Variants in STXBP4 observed in about 807,000 individuals in gnomAD.
STXBP4 encodes the protein syntaxin binding protein 4.
Under a neutral mutation model 76.1 loss-of-function variants are expected in STXBP4, and 55 were observed. The observed-to-expected ratio is 0.72, with a 90% CI of 0.58 to 0.91. STXBP4 has a LOEUF of 0.91. Among genes scored for constraint, STXBP4 ranks in the 40% least tolerant of loss-of-function variants. STXBP4 has a pLI of 0.00. For synonymous variants in STXBP4, 201 were observed against 220.2 expected, an observed-to-expected ratio of 0.91 and a Z score of 0.77; for missense variants, 618 against 636.9, an observed-to-expected ratio of 0.97 and a Z score of 0.32.
At chr17:55,190,735 C>T in the STXBP4 span, among the ~76,000 whole-genome samples, 35 of 152,130 alleles carry the variant, frequency 2.3e-4, 1 homozygote, top group Admixed American at 1.9e-3. Flanking sequence ...ACTCCCTGAG[C>T]TTTTACACTG....
chr17:54,980,393 G>T (rs1294594740), intron 1 of STXBP4, among the ~76,000 whole-genome samples: 10 of 152,296 alleles, frequency 6.6e-5, no homozygotes, highest in Middle Eastern at 3.4e-3. Context: ...AGTCGTCCAG[G>T]TTCTTGGCAA....
At chr17:55,137,068 C>CA (rs1378628246) in intron 16 of STXBP4, among the ~76,000 whole-genome samples, 1 of 152,028 alleles carries the variant, frequency 6.6e-6, no homozygotes, top group Admixed American at 6.6e-5. Context: ...ATATAAATGA[C>CA]AAATCTATTT....
chr17:55,031,055 TG>T, intron 8 of STXBP4, 112 bp from the exon 9 acceptor site: 1 of 740,082 alleles, frequency 1.4e-6, no homozygotes, highest in Non-Finnish European at 2.2e-6. Context: ...TGTTTAATCC[TG>T]GTCGACTGTT....
In STXBP4 at chr17:55,016,447, C is replaced by T. The variant is rs73990273; in HGVS notation, c.666+8850C>T. On this transcript the variant is annotated intron_variant, in intron 8 of 17. Coordinates refer to ENST00000376352, the MANE Select transcript of STXBP4 (RefSeq NM_178509.6). ...CCCATAAATAGTTCTTATGCAAATT[C>T]GTTTCAGAGAGGGTGTAGGTAACCT... 8.2e-3 allele frequency among the ~76,000 whole-genome samples: 1,242 copies of T among 152,262 alleles called. 17 individuals carry two copies. The highest frequency in any genetic ancestry group is 0.028 in the African/African-American group (1,172 of 41,544).
intron 7 of STXBP4, 149 bp from the exon 8 acceptor site, chr17:55,007,356 AG>A (rs1300083052): frequency 4.5e-6 from 3 of 665,300 alleles, no homozygotes; most frequent in Non-Finnish European, 5.2e-6. Context: ...AAAAAAGAAA[AG>A]AAAAAAAAAT....
At chr17:55,049,871 C>T (rs2078836674) in intron 12 of STXBP4, among the ~76,000 whole-genome samples, 1 of 151,950 alleles carries the variant, frequency 6.6e-6, no homozygotes, top group African/African-American at 2.4e-5. Flanking sequence ...TATCAAGAAA[C>T]TATTCTAGAT....
chr17:55,013,471 G>T (rs1408644613), intron 8 of STXBP4, among the ~76,000 whole-genome samples: 5 of 152,220 alleles, frequency 3.3e-5, no homozygotes, highest in African/African-American at 1.2e-4. Context: ...GTTATGCCAA[G>T]GAACTCTCTT....
intron 8 of STXBP4, among the ~76,000 whole-genome samples, chr17:55,010,701 C>G (rs183553831): frequency 1.2e-3 from 176 of 152,152 alleles, no homozygotes; most frequent in African/African-American, 3.8e-3. Flanking sequence ...TTACTTTTAC[C>G]TCTTGCCATT....
At chr17:55,065,072 T>C (rs2079034637) in intron 12 of STXBP4, among the ~76,000 whole-genome samples, 1 of 152,214 alleles carries the variant, frequency 6.6e-6, no homozygotes, top group East Asian at 1.9e-4. Flanking sequence ...TTACATAATA[T>C]AGGGTCTGTA....
At chr17:55,109,643 TTTTTA>T (rs1357056177) in intron 16 of STXBP4, among the ~76,000 whole-genome samples, 16 of 150,178 alleles carry the variant, frequency 1.1e-4, no homozygotes, top group Middle Eastern at 6.8e-3. Context: ...TTTTTTTTTT[TTTTTA>T]TATGGAGTTT....
rs539526428 is a variant in STXBP4 at position 54,987,097 on chromosome 17, C to G, written c.47+831C>G. Among the ~76,000 whole-genome samples, 72 of 152,272 alleles carry G rather than the reference C, an allele frequency of 4.7e-4. 1 individual carries two copies. Among genetic ancestry groups the G allele is most frequent in the African/African-American group, 1.7e-3 (69 of 41,536 alleles). ...AATGAAAATTCAAGGAGTGGAGATACAGACTTTGCTTTTAGTGAAAGGAAG... is the reference window on the plus strand; with the variant it reads ...AATGAAAATTCAAGGAGTGGAGATAGAGACTTTGCTTTTAGTGAAAGGAAG... On this transcript the variant is annotated intron_variant, in intron 3 of 17. Transcript: ENST00000376352.
At chr17:55,001,751 G>A (rs1361910562) in intron 7 of STXBP4, among the ~76,000 whole-genome samples, 39 of 152,080 alleles carry the variant, frequency 2.6e-4, no homozygotes, top group Admixed American at 2.6e-3. Flanking sequence ...TCCTGCCTCA[G>A]CCTCCCAAGT....
In STXBP4 at chr17:55,164,230, T is replaced by TATTAACTGCAA. The variant is rs1398688225; in HGVS notation, c.*4320_*4330dup. 6 of 152,218 alleles carry TATTAACTGCAA rather than the reference T, an allele frequency of 3.9e-5. No individual in the cohort carries two copies. The highest frequency in any genetic ancestry group is 3.3e-4 in the Admixed American group (5 of 15,280). The allele number at this position is 152,218 out of a possible 1,614,324, so 9.4% of individuals were successfully genotyped here. ...TGTGTCTGCATAATGACTTTGTAAA[T>TATTAACTGCAA]ATTAACTGCAATTCTGTATTTGCTT... is the stretch of plus-strand genomic sequence containing the variant. On this transcript the variant is annotated 3_prime_UTR_variant, in exon 18 of 18. Coordinates refer to ENST00000376352, the MANE Select transcript of STXBP4 (RefSeq NM_178509.6).
At chr17:55,157,072 C>G (rs1402631214) in intron 17 of STXBP4, among the ~76,000 whole-genome samples, 1 of 152,144 alleles carries the variant, frequency 6.6e-6, no homozygotes, top group Admixed American at 6.5e-5. Context: ...AGCATACTAC[C>G]TGAACTTACC....
chr17:55,078,868 A>T lies in STXBP4; in HGVS notation c.1355+133A>T, dbSNP rs1284129739. ...CATAACTCCCATTGGATGCCATCAT[A>T]TGGAAATAGATGCAAGGACATATTG... On this transcript the variant is annotated intron_variant, in intron 15 of 17. Transcript: ENST00000376352. 1.7e-4 allele frequency: 107 copies of T among 626,140 alleles called. No homozygotes were observed. The East Asian group carries it at 3.2e-3, about 18-fold the overall frequency. 38.8% of individuals were successfully genotyped at this position (626,140 alleles called of 1,614,324 possible).
chr17:55,178,430 C>T (rs2080438659), downstream of STXBP4, among the ~76,000 whole-genome samples: 2 of 152,202 alleles, frequency 1.3e-5, no homozygotes, highest in African/African-American at 4.8e-5. Flanking sequence ...TGCTGTCAGC[C>T]TCATCTGCAG....
At chr17:55,212,077 C>G in the STXBP4 span, among the ~76,000 whole-genome samples, 1 of 152,068 alleles carries the variant, frequency 6.6e-6, no homozygotes, top group Non-Finnish European at 1.5e-5. Flanking sequence ...GCCTCAGCCT[C>G]CCAAAGTGCT....
At chr17:55,186,573 A>G in the STXBP4 span, among the ~76,000 whole-genome samples, 5 of 152,230 alleles carry the variant, frequency 3.3e-5, no homozygotes, top group Non-Finnish European at 7.3e-5. Context: ...GGTTCAATCA[A>G]AGGAACATGG....
At chr17:55,200,844 G>C in the STXBP4 span, among the ~76,000 whole-genome samples, 12 of 152,110 alleles carry the variant, frequency 7.9e-5, no homozygotes, top group African/African-American at 1.9e-4. Flanking sequence ...AACAAACATA[G>C]TGCATATGTT....
Sources: allele counts gnomAD v4.1 joint callset (sites outside exome capture counted in the v4.1 genomes callset), GRCh38; gene constraint gnomAD v4.1.1; transcripts MANE v1.5; gene names NCBI Gene and HGNC (gene_info 2026-07-23, HGNC 2026-07-21).